MAP3K10: variants seen among roughly 807,000 people sequenced by gnomAD.
MAP3K10 encodes the protein mitogen-activated protein kinase kinase kinase 10, also known as MKN28 derived nonreceptor_type serine/threonine kinase.
In MAP3K10, 22 loss-of-function variants were observed where a neutral mutation model predicts 75.0. That is an observed-to-expected ratio of 0.29 (90% CI 0.21 to 0.42). MAP3K10 has a LOEUF of 0.42. Ranked by LOEUF, MAP3K10 falls within the 10% of genes least tolerant of loss-of-function variation. MAP3K10 has a pLI of 1.00. For synonymous variants in MAP3K10, 599 were observed against 612.9 expected, an observed-to-expected ratio of 0.98 and a Z score of 0.34; for missense variants, 1,165 against 1,379.8, an observed-to-expected ratio of 0.84 and a Z score of 2.47.
At chr19:40,210,745 A>G (rs34894858) in intron 6 of MAP3K10, among the ~76,000 whole-genome samples, 59,626 of 151,938 alleles carry the variant, frequency 0.39, 14,113 homozygotes, top group South Asian at 0.61. Context: ...CTGAACACCA[A>G]TGTCCAGTGT....
At position 40,191,436 on chromosome 19, in the gene MAP3K10, C is replaced by G. The variant is rs1972808078; in HGVS notation, c.-596C>G. Among the ~76,000 whole-genome samples the G allele has an allele frequency of 6.6e-6, 1 of 151,848 alleles. No homozygotes were observed. The highest frequency in any genetic ancestry group is 2.4e-5 in the African/African-American group (1 of 41,408). On this transcript the variant is annotated 5_prime_UTR_variant, in exon 1 of 10. Transcript: ENST00000253055. ...CGGCGGCGCCCACACGTCACTCGGG[C>G]CCCGCCGGTGGCCCGGGGAAGCAGC...
At position 40,198,658 on chromosome 19, in the gene MAP3K10, G is replaced by T; in HGVS notation, c.863+103G>T. 1.6e-6 allele frequency: 2 copies of T among 1,236,920 alleles called. No individual in the cohort carries two copies. The highest frequency in any genetic ancestry group is 2.2e-6 in the Non-Finnish European group (2 of 899,798). 76.6% of individuals were successfully genotyped at this position (1,236,920 alleles called of 1,614,324 possible). A position where few individuals can be genotyped will look rare whatever the true frequency, so the allele number is the denominator to read the frequency against. ...GTCTCCTGCTGAAGCCAGGATCTCA[G>T]TCTGACAAAGGGACCTGCTGGCAAG... On this transcript the variant is annotated intron_variant, in intron 2 of 9. Coordinates refer to ENST00000253055, the MANE Select transcript of MAP3K10 (RefSeq NM_002446.4). This position sits in a 1 kb window ranked among gnomAD's most constrained non-coding sequence, Gnocchi z 4.3.
At position 40,212,745 on chromosome 19, in the gene MAP3K10, C is replaced by T. The variant is rs1355279199; in HGVS notation, c.1553-60C>T. ...GGGCCTGAGCTGGGGGCACTGGAGG[C>T]TGGGAGCCCAGTGGGGACAGATCCT... is the stretch of plus-strand genomic sequence containing the variant. On this transcript the variant is annotated intron_variant, in intron 6 of 9. Coordinates refer to ENST00000253055, the MANE Select transcript of MAP3K10 (RefSeq NM_002446.4). The surrounding 1 kb of genome is among the most constrained non-coding windows in gnomAD (Gnocchi z 4.2). The T allele has an allele frequency of 5.8e-6, 9 of 1,550,956 alleles. No individual in the cohort carries two copies. The highest frequency in any genetic ancestry group is 7.8e-6 in the Non-Finnish European group (9 of 1,148,312).
At chr19:40,193,523 A>G (rs57263119) in intron 1 of MAP3K10, among the ~76,000 whole-genome samples, 2,106 of 152,300 alleles carry the variant, frequency 0.014, 45 homozygotes, top group African/African-American at 0.048. Flanking sequence ...AACAAGTATT[A>G]ATTGAGCACC....
Position 40,191,895 on chromosome 19 carries a change from G to A in MAP3K10, c.-137G>A, listed in dbSNP as rs1972820402. 2.1e-6 allele frequency: 1 copy of A among 484,842 alleles called. No homozygotes were observed. The highest frequency in any genetic ancestry group is 3.5e-6 in the Non-Finnish European group (1 of 286,510). 30.0% of individuals were successfully genotyped at this position (484,842 alleles called of 1,614,324 possible). A position where few individuals can be genotyped will look rare whatever the true frequency, so the allele number is the denominator to read the frequency against. On this transcript the variant is annotated 5_prime_UTR_variant, in exon 1 of 10. Transcript: ENST00000253055. ...GGTTTTTTTTCTTGCTCCTGCGGAG[G>A]GCGCCCCAGCCATGGCCCTCAGGAG... is the stretch of plus-strand genomic sequence containing the variant.
At chr19:40,208,174 T>C (rs1297553263) in intron 5 of MAP3K10, among the ~76,000 whole-genome samples, 2 of 151,730 alleles carry the variant, frequency 1.3e-5, no homozygotes, top group Non-Finnish European at 2.9e-5. Flanking sequence ...TTTTTGTTTT[T>C]GTTTTTGTTT....
In MAP3K10 at chr19:40,215,332, A is replaced by G; in HGVS notation, c.*40A>G. 6.7e-7 allele frequency: 1 copy of G among 1,492,204 alleles called. No individual in the cohort carries two copies. Among genetic ancestry groups the G allele is most frequent in the Non-Finnish European group, 9.0e-7 (1 of 1,109,090 alleles). 92.4% of individuals were successfully genotyped at this position (1,492,204 alleles called of 1,614,324 possible). ...CGCCCGCCTGGGCAGCCATGAATGT[A>G]GCGCCCCAGGCCCTGCCCCAGCCCG... On this transcript the variant is annotated 3_prime_UTR_variant, in exon 10 of 10. Coordinates refer to ENST00000253055, the MANE Select transcript of MAP3K10 (RefSeq NM_002446.4).
At chr19:40,196,418 G>T (rs1972906959) in intron 1 of MAP3K10, among the ~76,000 whole-genome samples, 1 of 152,202 alleles carries the variant, frequency 6.6e-6, no homozygotes, top group African/African-American at 2.4e-5. Context: ...GGAGTCCAAG[G>T]CTGGAGGATT....
At position 40,205,358 on chromosome 19, in the gene MAP3K10, C is replaced by T. The variant is rs1035341383; in HGVS notation, c.1188+62C>T. ...GACCCCTGAGTTCTGATGCCTTGGG[C>T]TGCTCAGAGACTCCTCCCCTGAACC... On this transcript the variant is annotated intron_variant, in intron 4 of 9. Coordinates refer to ENST00000253055, the MANE Select transcript of MAP3K10 (RefSeq NM_002446.4). This position sits in a 1 kb window ranked among gnomAD's most constrained non-coding sequence, Gnocchi z 4.3. The T allele has an allele frequency of 6.4e-7, 1 of 1,562,136 alleles. No homozygotes were observed. Among genetic ancestry groups the T allele is most frequent in the Non-Finnish European group, 8.8e-7 (1 of 1,139,660 alleles).
intron 6 of MAP3K10, among the ~76,000 whole-genome samples, chr19:40,211,896 G>A (rs998738920): frequency 4.6e-5 from 7 of 152,116 alleles, no homozygotes; most frequent in Non-Finnish European, 1.0e-4. Context: ...GCTAATTTTT[G>A]TATTTTTAGT....
At chr19:40,208,360 T>TTTTTA (rs1555756653) in intron 5 of MAP3K10, among the ~76,000 whole-genome samples, 1 of 118,824 alleles carries the variant, frequency 8.4e-6, no homozygotes, top group African/African-American at 3.2e-5. Flanking sequence ...TTTTTTTTTT[T>TTTTTA]TTTTTTTTTG....
In MAP3K10 at chr19:40,214,978, G is replaced by A; in HGVS notation, c.2551G>A (p.Asp851Asn). ...EPAGHGPGPR[D>N]LLDFPRLPDP... ...TGAACCTCTCTTACCAGGCCCTCGT[G>A]ACCTTCTGGACTTCCCCCGCCTGCC... is the stretch of plus-strand genomic sequence containing the variant. Residue 851 changes from aspartate to asparagine, a missense_variant, in exon 10 of 10, where the codon GAC becomes AAC. Physicochemically the swap from Asp to Asn is conservative, Grantham distance 23. Coordinates refer to ENST00000253055, the MANE Select transcript of MAP3K10 (RefSeq NM_002446.4). The A allele has an allele frequency of 6.4e-7, 1 of 1,558,138 alleles. No individual in the cohort carries two copies. The highest frequency in any genetic ancestry group is 8.8e-7 in the Non-Finnish European group (1 of 1,139,502).
At chr19:40,197,811 C>T (rs1474763518) in intron 1 of MAP3K10, among the ~76,000 whole-genome samples, 1 of 151,544 alleles carries the variant, frequency 6.6e-6, no homozygotes, top group Non-Finnish European at 1.5e-5. Context: ...GAACTCAAGG[C>T]CTGGAGGACT....
intron 5 of MAP3K10, 144 bp downstream of exon 5, chr19:40,206,301 C>G (rs1973120700): frequency 9.8e-7 from 1 of 1,015,866 alleles, no homozygotes. Flanking sequence ...AGTGCAGTGG[C>G]GAGCACTTGT....
In MAP3K10 at chr19:40,213,137, TC is replaced by T; in HGVS notation, c.1791del (p.Lys598AsnfsTer79). 6.2e-7 allele frequency: 1 copy of T among 1,602,112 alleles called. No individual in the cohort carries two copies. The highest frequency in any genetic ancestry group is 8.5e-7 in the Non-Finnish European group (1 of 1,175,358). On this transcript the variant is annotated frameshift_variant, in exon 8 of 10. Transcript: ENST00000253055. LOFTEE classifies it high-confidence loss of function. The surrounding 1 kb of genome is among the most constrained non-coding windows in gnomAD (Gnocchi z 5.7). The stretch of plus-strand genomic sequence containing the variant: ...ATCAAGTGCCCCCAACCTGGGCAAG[TC>T]CCCCAAACACACACCCATCGCCCCT... ...WSSSAPNLGK[S>X]PKHTPIAPGF...
chr19:40,196,552 T>C (rs1301945129), intron 1 of MAP3K10, among the ~76,000 whole-genome samples: 1 of 152,206 alleles, frequency 6.6e-6, no homozygotes, highest in African/African-American at 2.4e-5. Flanking sequence ...GGAGTCTCGC[T>C]CTGTCATCCA....
At chr19:40,203,617 G>A (rs192493352) in intron 2 of MAP3K10, among the ~76,000 whole-genome samples, 18 of 152,370 alleles carry the variant, frequency 1.2e-4, no homozygotes, top group Non-Finnish European at 2.5e-4. Context: ...CTCTCTGAGC[G>A]TGTACCTGCT....
In MAP3K10 at chr19:40,192,343, C is replaced by T; in HGVS notation, c.312C>T (p.Ile104=). The change falls in exon 1 of 10, where the codon ATC becomes ATT. Residue 104 remains isoleucine (I), a synonymous_variant. Transcript: ENST00000253055. This position sits in a 1 kb window ranked among gnomAD's most constrained non-coding sequence, Gnocchi z 7.1. The part of the protein sequence containing the change: ...PFHELQLEEI[I]GVGGFGKVYR... ...ACGAGCTGCAGCTAGAGGAGATCAT[C>T]GGTGTGGGGGGCTTTGGCAAGGTCT... The T allele has an allele frequency of 1.2e-6, 2 of 1,613,046 alleles. No individual in the cohort carries two copies. The highest frequency in any genetic ancestry group is 1.1e-5 in the South Asian group (1 of 91,012).
At chr19:40,202,050 T>C (rs1364024553) in intron 2 of MAP3K10, among the ~76,000 whole-genome samples, 1 of 151,956 alleles carries the variant, frequency 6.6e-6, no homozygotes, top group Non-Finnish European at 1.5e-5. Flanking sequence ...CCCCTTCTTT[T>C]TATTTTTTGA....
Sources: gnomAD v4.1 joint callset for allele counts (sites outside exome capture counted in the v4.1 genomes callset) on GRCh38, gnomAD v4.1.1 for gene constraint, Gnocchi (gnomAD v3.1) non-coding constraint, MANE v1.5 for transcripts, NCBI Gene and HGNC (gene_info 2026-07-23, HGNC 2026-07-21) for gene names.